DRC5: variants seen among roughly 807,000 people sequenced by gnomAD.
DRC5 encodes dynein regulatory complex subunit 5, also known as T-complex-associated testis-expressed protein 1.
At chr6:44,283,104 T>C in the DRC5 span, among the ~76,000 whole-genome samples, 1 of 152,144 alleles carries the variant, frequency 6.6e-6, no homozygotes, top group Non-Finnish European at 1.5e-5. Context: ...GCCCGGCCGC[T>C]TGGGTCTTTC....
At chr6:44,287,688 A>T in the DRC5 span, 1 of 1,614,156 alleles carries the variant, frequency 6.2e-7, no homozygotes, top group Non-Finnish European at 8.5e-7. Context: ...TGGACTTTGC[A>T]GGGACTGGTG....
chr6:44,296,632 C>T, the DRC5 span, among the ~76,000 whole-genome samples: 1 of 152,138 alleles, frequency 6.6e-6, no homozygotes, highest in African/African-American at 2.4e-5. Context: ...GTCCCCTCCT[C>T]CCTTCCTCTT....
the DRC5 span, among the ~76,000 whole-genome samples, chr6:44,281,241 G>A: frequency 1.1e-4 from 17 of 152,300 alleles, no homozygotes; most frequent in East Asian, 3.3e-3. Context: ...CCATTCTGTG[G>A]TTGTGACCCA....
chr6:44,296,738 ACTGCCTTCT>A, the DRC5 span, among the ~76,000 whole-genome samples: 268 of 152,176 alleles, frequency 1.8e-3, 1 homozygote, highest in African/African-American at 6.1e-3. Flanking sequence ...CACTGCTCTG[ACTGCCTTCT>A]CTGCCTTCTC....
chr6:44,287,509 T>C, the DRC5 span: 4 of 1,567,926 alleles, frequency 2.6e-6, no homozygotes, highest in African/African-American at 2.7e-5. Context: ...AGCCCCCCTC[T>C]TGGCCTTCTC....
At chr6:44,286,126 G>A in the DRC5 span, 1 of 1,613,998 alleles carries the variant, frequency 6.2e-7, no homozygotes, top group East Asian at 2.2e-5. Flanking sequence ...CGCCCAGTTG[G>A]TAGTGGTCAA....
the DRC5 span, chr6:44,287,919 C>T: frequency 3.4e-5 from 51 of 1,482,352 alleles, no homozygotes; most frequent in South Asian, 5.5e-5. Context: ...AGGTAGGGAT[C>T]TGGAGCAAAA....
At chr6:44,282,432 C>T in the DRC5 span, 10 of 1,613,768 alleles carry the variant, frequency 6.2e-6, no homozygotes, top group Non-Finnish European at 8.5e-6. Flanking sequence ...GGCAGCACCT[C>T]GTGCACCACG....
At chr6:44,280,165 T>C in the DRC5 span, 8 of 1,608,868 alleles carry the variant, frequency 5.0e-6, no homozygotes, top group Admixed American at 1.7e-5. Flanking sequence ...GGGGCCATGA[T>C]CCAAGTCAGG....
At chr6:44,286,941 T>C in the DRC5 span, among the ~76,000 whole-genome samples, 1 of 152,346 alleles carries the variant, frequency 6.6e-6, no homozygotes, top group East Asian at 1.9e-4. Flanking sequence ...GAGAGACTAC[T>C]ATGTCCCACG....
the DRC5 span, among the ~76,000 whole-genome samples, chr6:44,293,751 C>T: frequency 1.3e-5 from 2 of 152,302 alleles, no homozygotes; most frequent in East Asian, 3.9e-4. Flanking sequence ...GGGCTAAGTG[C>T]GCTCCCAGGC....
the DRC5 span, chr6:44,280,511 A>G: frequency 2.8e-6 from 2 of 708,596 alleles, no homozygotes; most frequent in East Asian, 2.7e-5. Flanking sequence ...TACTTAACCT[A>G]TTTGTGACGC....
At chr6:44,291,644 G>C in the DRC5 span, among the ~76,000 whole-genome samples, 1 of 152,290 alleles carries the variant, frequency 6.6e-6, no homozygotes, top group East Asian at 1.9e-4. Flanking sequence ...TCAGAATTCC[G>C]CCATGGTCGT....
the DRC5 span, among the ~76,000 whole-genome samples, chr6:44,291,134 T>C: frequency 6.6e-6 from 1 of 152,202 alleles, no homozygotes; most frequent in South Asian, 2.1e-4. Flanking sequence ...GGTATAAAAA[T>C]GAGCCCCTAC....
At chr6:44,287,172 C>T in the DRC5 span, 2 of 984,906 alleles carry the variant, frequency 2.0e-6, no homozygotes, top group Non-Finnish European at 2.4e-6. Context: ...AAATATGGAA[C>T]AAACCAAGAG....
the DRC5 span, among the ~76,000 whole-genome samples, chr6:44,283,340 T>C: frequency 9.3e-5 from 13 of 140,022 alleles, no homozygotes; most frequent in South Asian, 1.3e-3. Context: ...TTGAAGGAGG[T>C]TGCCAGGGCA....
the DRC5 span, among the ~76,000 whole-genome samples, chr6:44,291,318 A>G: frequency 1.3e-5 from 2 of 152,264 alleles, no homozygotes; most frequent in Non-Finnish European, 2.9e-5. Flanking sequence ...ATTACCAGAC[A>G]CACAAGATTC....
chr6:44,297,363 C>T, the DRC5 span, among the ~76,000 whole-genome samples: 1 of 152,224 alleles, frequency 6.6e-6, no homozygotes, highest in Non-Finnish European at 1.5e-5. Context: ...CCCTCTTCTT[C>T]CCAGTCCCTC....
chr6:44,280,366 C>T, the DRC5 span: 2 of 1,613,520 alleles, frequency 1.2e-6, no homozygotes, highest in African/African-American at 2.7e-5. Flanking sequence ...TCTGACATGC[C>T]TTCCAGGAGC....
Sources: gnomAD v4.1 joint callset for allele counts (sites outside exome capture counted in the v4.1 genomes callset) on GRCh38, gnomAD v4.1.1 for gene constraint, MANE v1.5 for transcripts, NCBI Gene and HGNC (gene_info 2026-07-23, HGNC 2026-07-21) for gene names.